C10orf90: variants seen among roughly 807,000 people sequenced by gnomAD.
C10orf90 encodes chromosome 10 open reading frame 90, also known as (E2-independent) E3 ubiquitin-conjugating enzyme FATS.
A neutral mutation model predicts 62.5 loss-of-function variants in C10orf90; 56 were observed. The ratio of observed to expected loss-of-function variants is 0.90; its 90% CI spans 0.72 to 1.12. The LOEUF (loss-of-function observed/expected upper bound fraction) is 1.12. C10orf90 is among the 50% of genes most tolerant of loss of function. C10orf90 has a pLI of 0.00. For synonymous variants in C10orf90, 386 were observed against 340.4 expected (o/e 1.13, Z -1.47); for missense variants, 970 against 880.4 (o/e 1.10, Z -1.29).
intron 2 of C10orf90, among the ~76,000 whole-genome samples, chr10:126,562,008 A>C (rs1864912203): frequency 6.6e-6 from 1 of 152,202 alleles, no homozygotes; most frequent in Non-Finnish European, 1.5e-5. Flanking sequence ...TTTTGGCTTC[A>C]GCACCTCAGC....
intron 5 of C10orf90, among the ~76,000 whole-genome samples, chr10:126,464,294 C>T (rs1420752846): frequency 2.0e-5 from 3 of 152,122 alleles, no homozygotes; most frequent in East Asian, 1.9e-4. Flanking sequence ...GTGGAAGCCC[C>T]GTGCCTTAGT....
intron 7 of C10orf90, among the ~76,000 whole-genome samples, chr10:126,436,464 A>G (rs927427639): frequency 1.3e-5 from 2 of 152,166 alleles, no homozygotes; most frequent in African/African-American, 4.8e-5. Flanking sequence ...AAAATTAAAC[A>G]TCATACTTTT....
At chr10:126,520,135 T>A (rs955526758) in intron 2 of C10orf90, 1 of 152,152 alleles carries the variant, frequency 6.6e-6, no homozygotes, top group Non-Finnish European at 1.5e-5. Context: ...ACCTCCAACA[T>A]CCAACTGAAA....
chr10:126,501,431 C>T (rs997445596), intron 4 of C10orf90, among the ~76,000 whole-genome samples: 7 of 152,010 alleles, frequency 4.6e-5, no homozygotes, highest in South Asian at 2.1e-4. Context: ...TGTAGGCATC[C>T]GAGGCAAGTG....
chr10:126,561,563 A>G (rs1462666684), intron 2 of C10orf90, among the ~76,000 whole-genome samples: 1 of 152,166 alleles, frequency 6.6e-6, no homozygotes, highest in Non-Finnish European at 1.5e-5. Context: ...CCGATGACAA[A>G]AACGAAAGCA....
At chr10:126,558,505 T>G (rs1864827478) in intron 2 of C10orf90, among the ~76,000 whole-genome samples, 1 of 152,176 alleles carries the variant, frequency 6.6e-6, no homozygotes, top group Non-Finnish European at 1.5e-5. Flanking sequence ...CCCCTCACCT[T>G]GCAATGGTTT....
chr10:126,467,551 A>G (rs1860360722), intron 4 of C10orf90, among the ~76,000 whole-genome samples: 1 of 152,140 alleles, frequency 6.6e-6, no homozygotes, highest in Non-Finnish European at 1.5e-5. Context: ...CCTGCCAATG[A>G]AGCCACTTAT....
chr10:126,617,154 C>A (rs184773863), intron 2 of C10orf90, among the ~76,000 whole-genome samples: 3 of 152,108 alleles, frequency 2.0e-5, no homozygotes, highest in African/African-American at 7.2e-5. Flanking sequence ...CTCTGTGTGG[C>A]GGGGTGAATT....
chr10:126,656,670 C>A (rs561437251), intron 1 of C10orf90, among the ~76,000 whole-genome samples: 2 of 152,178 alleles, frequency 1.3e-5, no homozygotes, highest in African/African-American at 2.4e-5. Context: ...AGCAGACGGG[C>A]GGCTGCCAGG....
chr10:126,578,683 T>C (rs1844677782), intron 2 of C10orf90, among the ~76,000 whole-genome samples: 1 of 152,258 alleles, frequency 6.6e-6, no homozygotes, highest in Non-Finnish European at 1.5e-5. Flanking sequence ...GTGTTCATTA[T>C]AGCCCCAAAC....
chr10:126,646,276 T>C (rs1846168976), intron 2 of C10orf90, among the ~76,000 whole-genome samples: 1 of 152,258 alleles, frequency 6.6e-6, no homozygotes, highest in South Asian at 2.1e-4. Flanking sequence ...GGAGCCCTGC[T>C]GCATGCTGGC....
intron 2 of C10orf90, among the ~76,000 whole-genome samples, chr10:126,628,911 A>T (rs577901163): frequency 7.8e-4 from 118 of 152,124 alleles, no homozygotes; most frequent in African/African-American, 2.7e-3. Context: ...TTCCAAACAC[A>T]CTGCTATCAT....
At chr10:126,642,365 T>C (rs993988272) in intron 2 of C10orf90, among the ~76,000 whole-genome samples, 2 of 152,052 alleles carry the variant, frequency 1.3e-5, no homozygotes, top group Non-Finnish European at 2.9e-5. Context: ...ACCCCGTCTC[T>C]ACTAAAAATA....
At chr10:126,466,509 T>C (rs1174424563) in intron 4 of C10orf90, among the ~76,000 whole-genome samples, 1 of 152,214 alleles carries the variant, frequency 6.6e-6, no homozygotes, top group Non-Finnish European at 1.5e-5. Context: ...CCACACCCTC[T>C]GTCCTGGAGT....
At chr10:126,542,239 A>T (rs898353952) in intron 2 of C10orf90, among the ~76,000 whole-genome samples, 1 of 152,188 alleles carries the variant, frequency 6.6e-6, no homozygotes, top group Non-Finnish European at 1.5e-5. Context: ...GCAGTGGCTC[A>T]CATCTGTAAT....
At chr10:126,611,385 T>C (rs1246848461) in intron 2 of C10orf90, among the ~76,000 whole-genome samples, 2 of 152,240 alleles carry the variant, frequency 1.3e-5, no homozygotes, top group Admixed American at 1.3e-4. Context: ...CACATTTTAT[T>C]GATCCGTTTA....
At chr10:126,604,574 T>C (rs1845267587) in intron 2 of C10orf90, among the ~76,000 whole-genome samples, 1 of 152,202 alleles carries the variant, frequency 6.6e-6, no homozygotes, top group South Asian at 2.1e-4. Flanking sequence ...ACGTGGTCTC[T>C]TCCCCTCTCG....
intron 4 of C10orf90, among the ~76,000 whole-genome samples, chr10:126,465,540 C>A (rs1860237147): frequency 1.3e-5 from 2 of 152,044 alleles, no homozygotes; most frequent in African/African-American, 4.8e-5. Flanking sequence ...GTACCTGATG[C>A]ACAGTCAGCT....
At chr10:126,595,041 A>G (rs1398123487) in intron 2 of C10orf90, among the ~76,000 whole-genome samples, 2 of 152,204 alleles carry the variant, frequency 1.3e-5, no homozygotes, top group Admixed American at 1.3e-4. Context: ...TTTTCAAAGA[A>G]GCAAAATGTT....
Sources: allele counts gnomAD v4.1 joint callset (sites outside exome capture counted in the v4.1 genomes callset), GRCh38; gene constraint gnomAD v4.1.1; transcripts MANE v1.5; gene names NCBI Gene and HGNC (gene_info 2026-07-23, HGNC 2026-07-21).